The following SLC25A48 variants were observed in gnomAD, a reference collection of about 807,000 sequenced individuals.
SLC25A48 encodes CTC-321K16.1.
In SLC25A48, 29 loss-of-function variants were observed where a neutral mutation model predicts 32.2. That is an observed-to-expected ratio of 0.90 (90% confidence interval 0.67 to 1.23). The LOEUF (loss-of-function observed/expected upper bound fraction) is 1.23. Ranked by LOEUF, SLC25A48 falls within the 50% of genes most tolerant of loss-of-function variation. The pLI is 0.00. For missense variants in SLC25A48, 399 were observed against 422.7 expected (o/e 0.94, Z 0.49); for synonymous variants, 164 against 172.3 (o/e 0.95, Z 0.38).
intron 3 of SLC25A48, among the ~76,000 whole-genome samples, chr5:135,795,067 G>A (rs1161959382): frequency 1.3e-5 from 2 of 151,768 alleles, no homozygotes; most frequent in Non-Finnish European, 2.9e-5. Context: ...ATCTCCAGGA[G>A]AGAAGAGGAT....
intron 3 of SLC25A48, among the ~76,000 whole-genome samples, chr5:135,799,449 C>G (rs1305099874): frequency 4.6e-5 from 7 of 151,240 alleles, no homozygotes; most frequent in African/African-American, 1.7e-4. Flanking sequence ...AATGTGACTC[C>G]CAATATTGCA....
intron 1 of SLC25A48, among the ~76,000 whole-genome samples, chr5:135,600,186 C>T (rs1339755313): frequency 3.3e-5 from 5 of 152,296 alleles, no homozygotes; most frequent in South Asian, 2.1e-4. Context: ...TAGATGGAGG[C>T]GCTTCTAAGG....
At chr5:135,885,950 A>G (rs1053206470) in intron 7 of SLC25A48, among the ~76,000 whole-genome samples, 1 of 152,168 alleles carries the variant, frequency 6.6e-6, no homozygotes, top group African/African-American at 2.4e-5. Context: ...TAAAATATAT[A>G]TCGTATATGG....
chr5:135,605,669 A>G (rs1751916970), intron 1 of SLC25A48, among the ~76,000 whole-genome samples: 1 of 152,176 alleles, frequency 6.6e-6, no homozygotes, highest in Non-Finnish European at 1.5e-5. Context: ...TCTGAAACAC[A>G]TATCTTTGGA....
chr5:135,748,374 A>G (rs1351305379), intron 3 of SLC25A48, among the ~76,000 whole-genome samples: 1 of 152,062 alleles, frequency 6.6e-6, no homozygotes, highest in Non-Finnish European at 1.5e-5. Flanking sequence ...CCTGGGTGCA[A>G]GCGATTCTCC....
intron 3 of SLC25A48, among the ~76,000 whole-genome samples, chr5:135,661,994 A>C (rs1448502095): frequency 2.6e-5 from 4 of 152,160 alleles, no homozygotes; most frequent in African/African-American, 9.7e-5. Flanking sequence ...ATGCATATTC[A>C]TTTTTGATAG....
rs144872966 is a variant in SLC25A48, at chr5:135,628,847, G to A, written c.-848-390G>A. Among the ~76,000 whole-genome samples the A allele has an allele frequency of 1.2e-3, 179 of 152,276 alleles. 2 individuals are homozygous for A. The East Asian group carries it at 0.024, about 21-fold the overall frequency. On this transcript the variant is annotated intron_variant, in intron 1 of 10. Transcript: ENST00000646290. ...AGGCGTCATTACCAAGATGGAGGGC[G>A]GGATTCGAAATACATCATGGATTTA...
intron 6 of SLC25A48, among the ~76,000 whole-genome samples, chr5:135,877,948 C>T (rs1430168744): frequency 1.3e-5 from 2 of 152,156 alleles, no homozygotes; most frequent in South Asian, 4.2e-4. Context: ...TGTTAACCTT[C>T]CCAGAGTGTC....
chr5:135,832,502 G>A (rs1048121319), upstream of SLC25A48, among the ~76,000 whole-genome samples: 1 of 152,126 alleles, frequency 6.6e-6, no homozygotes, highest in Non-Finnish European at 1.5e-5. Flanking sequence ...GGTGGGAGCT[G>A]TGGGGCTGTG....
intron 1 of SLC25A48, among the ~76,000 whole-genome samples, chr5:135,600,401 G>A (rs1290814146): frequency 6.6e-6 from 1 of 152,136 alleles, no homozygotes. Context: ...TCCTTTGAGG[G>A]GGTGTACCCT....
At chr5:135,840,883 T>C (rs1043569069) in intron 1 of SLC25A48, among the ~76,000 whole-genome samples, 2 of 152,244 alleles carry the variant, frequency 1.3e-5, no homozygotes, top group East Asian at 1.9e-4. Flanking sequence ...CCGTGATGTG[T>C]GGTACTTGTA....
chr5:135,751,087 G>A (rs2127008444), intron 3 of SLC25A48, among the ~76,000 whole-genome samples: 1 of 152,280 alleles, frequency 6.6e-6, no homozygotes, highest in African/African-American at 2.4e-5. Context: ...GCTGGCTGTA[G>A]ATGCATGAGT....
intron 3 of SLC25A48, among the ~76,000 whole-genome samples, chr5:135,785,054 A>G (rs1756801581): frequency 6.6e-6 from 1 of 152,066 alleles, no homozygotes; most frequent in African/African-American, 2.4e-5. Context: ...ATCATAGGAG[A>G]TGTACACACG....
chr5:135,794,920 G>A (rs1383332914), intron 3 of SLC25A48, among the ~76,000 whole-genome samples: 6 of 150,504 alleles, frequency 4.0e-5, no homozygotes, highest in Non-Finnish European at 8.9e-5. Flanking sequence ...GGGAAAGAAA[G>A]TGGTATTACT....
At chr5:135,776,271 GGT>G (rs201671104) in intron 3 of SLC25A48, among the ~76,000 whole-genome samples, 3,377 of 136,416 alleles carry the variant, frequency 0.025, 181 homozygotes, top group African/African-American at 0.087. Context: ...ATATCTGGGG[GGT>G]GGGGGGCAGA....
At chr5:135,602,425 T>G (rs1169680191) in intron 1 of SLC25A48, among the ~76,000 whole-genome samples, 1 of 152,192 alleles carries the variant, frequency 6.6e-6, no homozygotes, top group Non-Finnish European at 1.5e-5. Context: ...ATAAATGGGC[T>G]TATGTACAAT....
At chr5:135,646,623 A>G (rs1752963607) in intron 3 of SLC25A48, among the ~76,000 whole-genome samples, 1 of 144,708 alleles carries the variant, frequency 6.9e-6, no homozygotes, top group African/African-American at 2.5e-5. Flanking sequence ...TTTCCCATTT[A>G]TGTATATATA....
intron 4 of SLC25A48, among the ~76,000 whole-genome samples, chr5:135,856,030 G>T (rs908503299): frequency 6.6e-6 from 1 of 152,216 alleles, no homozygotes; most frequent in Admixed American, 6.5e-5. Flanking sequence ...AGAAAAAACA[G>T]GAAGGCACTT....
At chr5:135,834,606 C>T (rs1226147929), upstream of SLC25A48, 1 of 521,268 alleles carries the variant, frequency 1.9e-6, no homozygotes, top group Non-Finnish European at 3.4e-6. Context: ...CCCTTATCCA[C>T]CCAGAGTGCT....
Sources: allele counts gnomAD v4.1 joint callset (sites outside exome capture counted in the v4.1 genomes callset), GRCh38; gene constraint gnomAD v4.1.1; transcripts MANE v1.5; gene names NCBI Gene and HGNC (gene_info 2026-07-23, HGNC 2026-07-21).